The following BAIAP2L1 variants were observed in gnomAD, a reference collection of about 807,000 sequenced individuals.
The protein encoded by BAIAP2L1 is BAR/IMD domain-containing adapter protein 2-like 1.
A neutral mutation model predicts 66.3 loss-of-function variants in BAIAP2L1; 35 were observed. The ratio of observed to expected loss-of-function variants is 0.53; its 90% CI spans 0.40 to 0.70. The LOEUF (loss-of-function observed/expected upper bound fraction) is 0.70. BAIAP2L1 is among the 30% of genes least tolerant of loss of function. BAIAP2L1 has a pLI of 0.00. For missense variants in BAIAP2L1, 622 were observed against 656.9 expected, an observed-to-expected ratio of 0.95 and a Z score of 0.58; for synonymous variants, 269 against 248.7, an observed-to-expected ratio of 1.08 and a Z score of -0.77.
In BAIAP2L1 at chr7:98,304,769, G is replaced by A. The variant is rs111625863; in HGVS notation, c.1242-393C>T. 1.6e-4 allele frequency among the ~76,000 whole-genome samples: 25 copies of A among 151,788 alleles called. 1 individual carries two copies. The highest frequency in any genetic ancestry group is 6.0e-4 in the African/African-American group (25 of 41,378). On this transcript the variant is annotated intron_variant, in intron 11 of 13. Transcript: ENST00000005260. ...TCACCATATTGGCCAGGCTGGTCTT[G>A]AACTCCTGACCTCAGCTGGGATTAC... is the stretch of plus-strand genomic sequence containing the variant.
At chr7:98,348,981 C>G (rs549221327) in intron 3 of BAIAP2L1, among the ~76,000 whole-genome samples, 1 of 152,372 alleles carries the variant, frequency 6.6e-6, no homozygotes, top group African/African-American at 2.4e-5. Flanking sequence ...GTCAAAGGAT[C>G]TTTCCCGGAC....
chr7:98,302,939 C>T (rs976623924), intron 12 of BAIAP2L1, among the ~76,000 whole-genome samples: 13 of 152,082 alleles, frequency 8.5e-5, no homozygotes, highest in Admixed American at 3.3e-4. Context: ...CATGTGCCAC[C>T]GTACCTGGCT....
intron 1 of BAIAP2L1, among the ~76,000 whole-genome samples, chr7:98,377,128 T>C (rs560671361): frequency 1.4e-4 from 21 of 152,270 alleles, no homozygotes; most frequent in African/African-American, 4.8e-4. Flanking sequence ...TGGAAGCCAA[T>C]TTCTTGAAAT....
intron 1 of BAIAP2L1, among the ~76,000 whole-genome samples, chr7:98,383,704 G>A (rs1802817646): frequency 6.6e-6 from 1 of 152,214 alleles, no homozygotes; most frequent in Admixed American, 6.5e-5. Context: ...AGTAACATGT[G>A]AATGTGTGTA....
At chr7:98,296,454 C>T (rs577017580) in intron 12 of BAIAP2L1, among the ~76,000 whole-genome samples, 6 of 152,166 alleles carry the variant, frequency 3.9e-5, no homozygotes, top group African/African-American at 1.2e-4. Flanking sequence ...GGAGAAACCC[C>T]GTCTCTACTA....
chr7:98,325,273 C>T (rs1171421186), intron 3 of BAIAP2L1, among the ~76,000 whole-genome samples: 1 of 152,010 alleles, frequency 6.6e-6, no homozygotes, highest in Non-Finnish European at 1.5e-5. Flanking sequence ...GTCCCACCTA[C>T]TAGAGAGGCT....
At chr7:98,309,858 T>C (rs1437111003) in intron 9 of BAIAP2L1, 2 of 151,878 alleles carry the variant, frequency 1.3e-5, no homozygotes, top group Non-Finnish European at 2.9e-5. Context: ...AGACAGTCAC[T>C]GGCTCCAACT....
chr7:98,382,690 G>A (rs1008651343), intron 1 of BAIAP2L1, among the ~76,000 whole-genome samples: 2 of 152,096 alleles, frequency 1.3e-5, no homozygotes, highest in Admixed American at 6.6e-5. Context: ...AAGCGTTCAG[G>A]TTGAAGCTTT....
At chr7:98,400,581 AG>A (rs919673432) in intron 1 of BAIAP2L1, among the ~76,000 whole-genome samples, 1 of 49,894 alleles carries the variant, frequency 2.0e-5, no homozygotes, top group Non-Finnish European at 3.8e-5. Context: ...GAGGAAAAGT[AG>A]GGGGGAGGGG....
intron 3 of BAIAP2L1, among the ~76,000 whole-genome samples, chr7:98,338,628 T>C (rs576090255): frequency 6.6e-6 from 1 of 152,282 alleles, no homozygotes; most frequent in Admixed American, 6.5e-5. Context: ...ATAACCAAGG[T>C]TCACCCGTAT....
chr7:98,328,654 CTGG>C (rs1278663928), intron 3 of BAIAP2L1, among the ~76,000 whole-genome samples: 2 of 146,432 alleles, frequency 1.4e-5, no homozygotes, highest in African/African-American at 5.1e-5. Context: ...GGAGACCAGC[CTGG>C]CAACATAGCA....
At chr7:98,397,349 G>C (rs1803238357) in intron 1 of BAIAP2L1, among the ~76,000 whole-genome samples, 1 of 127,586 alleles carries the variant, frequency 7.8e-6, no homozygotes, top group Admixed American at 9.0e-5. Context: ...TTTTGAGATG[G>C]AGTCTCGCTC....
Position 98,389,665 on chromosome 7 carries a change from G to A in BAIAP2L1, c.51+11137C>T, listed in dbSNP as rs74447050. 4.6e-5 allele frequency among the ~76,000 whole-genome samples: 7 copies of A among 152,102 alleles called. No homozygotes were observed. The South Asian group carries it at 8.3e-4, about 18-fold the overall frequency. On this transcript the variant is annotated intron_variant, in intron 1 of 13. Coordinates refer to ENST00000005260, the MANE Select transcript of BAIAP2L1 (RefSeq NM_018842.5). ...CATACTTTTGACAGGTTATTACCAC[G>A]CTTGTACCTCTTCTTGTCCCTGTTG... is the stretch of plus-strand genomic sequence containing the variant.
rs149540917 is a variant in BAIAP2L1 at position 98,332,312 on chromosome 7, G to T, written c.215-12014C>A. On this transcript the variant is annotated intron_variant, in intron 3 of 13. Coordinates refer to ENST00000005260, the MANE Select transcript of BAIAP2L1 (RefSeq NM_018842.5). ...GCAGGAGAATTGCTTGAATTCAGGA[G>T]GCAGAGGTTGCAGTGACCCGAGATC... Among the ~76,000 whole-genome samples the T allele has an allele frequency of 5.5e-5, 8 of 144,176 alleles. No homozygotes were observed. The Admixed American group carries it at 5.7e-4, about 10-fold the overall frequency. 94.6% of individuals were successfully genotyped at this position (144,176 alleles called of 152,430 possible).
intron 12 of BAIAP2L1, among the ~76,000 whole-genome samples, chr7:98,303,723 C>T (rs1010858351): frequency 1.6e-4 from 25 of 152,184 alleles, no homozygotes; most frequent in South Asian, 1.5e-3. Context: ...TCAGGGTTAT[C>T]GTTAACCCTA....
chr7:98,347,732 G>A (rs1051347661), intron 3 of BAIAP2L1, among the ~76,000 whole-genome samples: 14 of 151,708 alleles, frequency 9.2e-5, no homozygotes, highest in African/African-American at 2.9e-4. Context: ...CCAAGATCGC[G>A]CCACTGCACT....
At chr7:98,384,342 G>C (rs1256363246) in intron 1 of BAIAP2L1, among the ~76,000 whole-genome samples, 1 of 152,134 alleles carries the variant, frequency 6.6e-6, no homozygotes, top group Non-Finnish European at 1.5e-5. Context: ...TTAAGGACCA[G>C]TAACTGATTA....
At chr7:98,396,121 G>C (rs761086770) in intron 1 of BAIAP2L1, among the ~76,000 whole-genome samples, 104 of 152,110 alleles carry the variant, frequency 6.8e-4, no homozygotes, top group Non-Finnish European at 1.1e-3. Flanking sequence ...GCCCAGGCCA[G>C]AGTACAGTGG....
chr7:98,364,877 C>T (rs1169104223), intron 1 of BAIAP2L1, among the ~76,000 whole-genome samples: 3 of 146,930 alleles, frequency 2.0e-5, no homozygotes, highest in Non-Finnish European at 3.0e-5. Flanking sequence ...GTCCCAGCTA[C>T]TTGGGAGGCT....
Sources: allele counts gnomAD v4.1 joint callset (sites outside exome capture counted in the v4.1 genomes callset), GRCh38; gene constraint gnomAD v4.1.1; transcripts MANE v1.5; gene names NCBI Gene and HGNC (gene_info 2026-07-23, HGNC 2026-07-21).